Variants in FAM193A observed in about 807,000 individuals in gnomAD.
FAM193A encodes the protein family with sequence similarity 193 member A, also known as protein FAM193A.
FAM193A carries 22 observed loss-of-function variants against 126.5 expected under a neutral mutation model. The ratio of observed to expected loss-of-function variants is 0.17; its 90% CI spans 0.12 to 0.25. FAM193A has a LOEUF of 0.25. Among genes scored for constraint, FAM193A ranks in the 10% least tolerant of loss-of-function variants. The pLI is 1.00. For missense variants in FAM193A, 1,675 were observed against 1,672.8 expected (o/e 1.00, Z -0.02); for synonymous variants, 761 against 646.8 (o/e 1.18, Z -2.68).
At chr4:2,611,376 C>A (rs140782804) in intron 2 of FAM193A, among the ~76,000 whole-genome samples, 265 of 152,240 alleles carry the variant, frequency 1.7e-3, no homozygotes, top group African/African-American at 6.1e-3. Flanking sequence ...TCAAGCAGTT[C>A]TCTTGTCTCA....
chr4:2,688,992 G>T (rs1349751414), intron 13 of FAM193A, among the ~76,000 whole-genome samples: 3 of 152,346 alleles, frequency 2.0e-5, no homozygotes, highest in African/African-American at 7.2e-5. Flanking sequence ...TGCCAATGAG[G>T]CAGCTCCTTT....
intron 13 of FAM193A, among the ~76,000 whole-genome samples, chr4:2,687,487 GAC>G: frequency 6.6e-6 from 1 of 152,310 alleles, no homozygotes; most frequent in African/African-American, 2.4e-5. Context: ...GAGCTCGCCA[GAC>G]TCCAGAGCCC....
chr4:2,690,753 T>G lies in FAM193A; in HGVS notation c.2586T>G (p.Pro862=), dbSNP rs1008678053. ...AAACAAGACCGGAAGCCCTTCCACC[T>G]CCATCTAGCAATGAAACACCTGCAG... is the stretch of plus-strand genomic sequence containing the variant. The part of the protein sequence containing the change: ...LSETRPEALP[P]PSSNETPAVS... Residue 862 remains proline (P), a synonymous_variant, in exon 15 of 21, where the codon CCT becomes CCG. Coordinates refer to ENST00000637812, the MANE Select transcript of FAM193A (RefSeq NM_001366318.2). 1.2e-6 allele frequency: 2 copies of G among 1,613,794 alleles called. No individual in the cohort carries two copies. Among genetic ancestry groups the G allele is most frequent in the African/African-American group, 2.7e-5 (2 of 74,892 alleles).
intron 1 of FAM193A, among the ~76,000 whole-genome samples, chr4:2,562,282 C>G (rs1253086819): frequency 6.6e-6 from 1 of 151,908 alleles, no homozygotes; most frequent in Admixed American, 6.6e-5. Context: ...ACCCTCGTCT[C>G]TACAAAAAAT....
intron 20 of FAM193A, among the ~76,000 whole-genome samples, chr4:2,723,499 A>G (rs1720387132): frequency 1.3e-5 from 2 of 151,488 alleles, no homozygotes; most frequent in Admixed American, 6.6e-5. Context: ...GCTTGAACCC[A>G]GGAGGCGGAG....
At chr4:2,694,530 GTGC>G (rs1716810553) in intron 16 of FAM193A, among the ~76,000 whole-genome samples, 1 of 152,072 alleles carries the variant, frequency 6.6e-6, no homozygotes, top group South Asian at 2.1e-4. Flanking sequence ...GCCTCCCAGA[GTGC>G]TGGGAGTACA....
chr4:2,565,878 A>G (rs1738910919), intron 1 of FAM193A, among the ~76,000 whole-genome samples: 1 of 152,154 alleles, frequency 6.6e-6, no homozygotes, highest in African/African-American at 2.4e-5. Flanking sequence ...CTGAAGGTGA[A>G]TTGAATGTTT....
intron 19 of FAM193A, 69 bp downstream of exon 19, chr4:2,700,613 A>G: frequency 1.3e-6 from 2 of 1,540,348 alleles, no homozygotes; most frequent in Non-Finnish European, 1.7e-6. Flanking sequence ...GTGCTAGTAT[A>G]GGAAAACACT....
intron 2 of FAM193A, among the ~76,000 whole-genome samples, chr4:2,603,142 G>GTGTA (rs949392549): frequency 6.8e-6 from 1 of 147,798 alleles, no homozygotes; most frequent in South Asian, 2.1e-4. Flanking sequence ...CTAATTTTGT[G>GTGTA]TGTATATATA....
chr4:2,649,841 G>A (rs993672107), intron 7 of FAM193A, among the ~76,000 whole-genome samples: 1 of 152,198 alleles, frequency 6.6e-6, no homozygotes, highest in African/African-American at 2.4e-5. Context: ...AGCAGGAGGT[G>A]AGTGGCCGGT....
intron 4 of FAM193A, among the ~76,000 whole-genome samples, chr4:2,629,043 AG>A (rs1743274295): frequency 6.6e-6 from 1 of 151,950 alleles, no homozygotes; most frequent in African/African-American, 2.4e-5. Context: ...TAGTAGAGAC[AG>A]GGTTTCACCG....
At chr4:2,580,507 C>T (rs556031904) in intron 1 of FAM193A, among the ~76,000 whole-genome samples, 6 of 152,200 alleles carry the variant, frequency 3.9e-5, no homozygotes, top group Admixed American at 3.9e-4. Context: ...GTGACCCCCA[C>T]CCCCCATTTT....
At chr4:2,712,753 T>C (rs1016419933) in intron 19 of FAM193A, among the ~76,000 whole-genome samples, 2 of 152,214 alleles carry the variant, frequency 1.3e-5, no homozygotes, top group Non-Finnish European at 2.9e-5. Flanking sequence ...TTTACTGTTT[T>C]GTTTTTTGGG....
intron 20 of FAM193A, 68 bp downstream of exon 20, chr4:2,716,172 C>G (rs1719510015): frequency 9.9e-7 from 1 of 1,013,692 alleles, no homozygotes. Flanking sequence ...GGTTTTCTGT[C>G]TTTCCATGGC....
At chr4:2,602,889 T>C (rs919760459) in intron 2 of FAM193A, among the ~76,000 whole-genome samples, 1 of 149,102 alleles carries the variant, frequency 6.7e-6, no homozygotes, top group Non-Finnish European at 1.5e-5. Context: ...CTGGATCTCC[T>C]GACCTTGTGA....
intron 1 of FAM193A, among the ~76,000 whole-genome samples, chr4:2,542,729 A>C (rs1282877966): frequency 6.6e-6 from 1 of 151,238 alleles, no homozygotes; most frequent in Non-Finnish European, 1.5e-5. Flanking sequence ...GAGTCCTGGC[A>C]AGCAGCCTCT....
At chr4:2,613,079 C>T (rs1055752807) in intron 2 of FAM193A, among the ~76,000 whole-genome samples, 4 of 152,036 alleles carry the variant, frequency 2.6e-5, no homozygotes, top group East Asian at 1.9e-4. Context: ...TTATTTAGAT[C>T]ATTTAAGTTT....
chr4:2,577,192 AC>A (rs1739637718), intron 1 of FAM193A, among the ~76,000 whole-genome samples: 4 of 151,980 alleles, frequency 2.6e-5, no homozygotes, highest in Non-Finnish European at 5.9e-5. Context: ...TCGCTCTGTC[AC>A]CCAGGTGACA....
At chr4:2,537,352 C>T (rs965254652) in intron 1 of FAM193A, among the ~76,000 whole-genome samples, 182 bp downstream of exon 1, 1 of 152,166 alleles carries the variant, frequency 6.6e-6, no homozygotes, top group African/African-American at 2.4e-5. Flanking sequence ...GCAGGTGGGC[C>T]GTGCTCGGCG....
Sources: allele counts gnomAD v4.1 joint callset (sites outside exome capture counted in the v4.1 genomes callset), GRCh38; gene constraint gnomAD v4.1.1; transcripts MANE v1.5; gene names NCBI Gene and HGNC (gene_info 2026-07-23, HGNC 2026-07-21).